The following CREB5 variants were observed in gnomAD, a reference collection of about 807,000 sequenced individuals.
CREB5 encodes cAMP responsive element binding protein 5.
Under a neutral mutation model 57.1 loss-of-function variants are expected in CREB5, and 19 were observed. The ratio of observed to expected loss-of-function variants is 0.33; its 90% CI spans 0.23 to 0.49. The LOEUF (loss-of-function observed/expected upper bound fraction) is 0.49. Among genes scored for constraint, CREB5 ranks in the 20% least tolerant of loss-of-function variants. The probability of loss-of-function intolerance (pLI) is 0.99; values close to 1 mark genes in which losing one functional copy is unlikely to be tolerated. For missense variants in CREB5, 579 were observed against 671.6 expected, an observed-to-expected ratio of 0.86 and a Z score of 1.52; for synonymous variants, 238 against 238.3, an observed-to-expected ratio of 1.00 and a Z score of 0.01.
rs75888389 is a variant in CREB5 at position 28,579,200 on chromosome 7, T to A, written c.464+8663T>A. ...TCGTAGCTCAAATTCCCAGGAATTC[T>A]GAAACAAGCTCTTAGGAACAAGTGT... On this transcript the variant is annotated intron_variant, in intron 5 of 10. Transcript: ENST00000357727. 1.1e-4 allele frequency among the ~76,000 whole-genome samples: 16 copies of A among 152,348 alleles called. No individual in the cohort carries two copies. In the East Asian group the frequency reaches 2.7e-3, roughly 26 times the overall value.
chr7:28,626,478 A>G (rs1341419401), intron 5 of CREB5, among the ~76,000 whole-genome samples: 1 of 152,168 alleles, frequency 6.6e-6, no homozygotes, highest in East Asian at 1.9e-4. Context: ...AAAAACCAAG[A>G]CCTGAGAGGT....
intron 5 of CREB5, among the ~76,000 whole-genome samples, chr7:28,658,258 AT>A (rs1355521379): frequency 3.9e-5 from 6 of 152,164 alleles, no homozygotes; most frequent in African/African-American, 1.2e-4. Flanking sequence ...TCAGGATAAA[AT>A]TTCTGAAGTC....
At chr7:28,438,673 C>T (rs181816278) in intron 1 of CREB5, among the ~76,000 whole-genome samples, 133 of 152,214 alleles carry the variant, frequency 8.7e-4, no homozygotes, top group African/African-American at 3.1e-3. Flanking sequence ...TTTACATACA[C>T]GTTAACCTTT....
intron 5 of CREB5, among the ~76,000 whole-genome samples, chr7:28,577,825 C>A (rs1030395528): frequency 1.3e-5 from 2 of 152,156 alleles, no homozygotes; most frequent in African/African-American, 4.8e-5. Flanking sequence ...GGTAAGGTAA[C>A]TTCTCTGGGG....
At chr7:28,635,878 G>T (rs997061071) in intron 5 of CREB5, among the ~76,000 whole-genome samples, 5 of 152,186 alleles carry the variant, frequency 3.3e-5, no homozygotes, top group Non-Finnish European at 7.3e-5. Flanking sequence ...ATTCAGAATT[G>T]CTCCTGAGCC....
chr7:28,596,164 G>A (rs1032785777), intron 5 of CREB5, among the ~76,000 whole-genome samples: 5 of 152,178 alleles, frequency 3.3e-5, no homozygotes, highest in Non-Finnish European at 7.3e-5. Flanking sequence ...ATGTGAAGCA[G>A]CTCTGTAGAA....
Position 28,712,082 on chromosome 7 carries a change from T to C in CREB5, c.465-6671T>C, listed in dbSNP as rs147768461. Reference sequence around the variant, plus strand: ...CCAAGGTCACACAGCTGGTAAGTGATAGAGCTAGGATTCCAACCTAGGTAG... The same window carrying C: ...CCAAGGTCACACAGCTGGTAAGTGACAGAGCTAGGATTCCAACCTAGGTAG... On this transcript the variant is annotated intron_variant, in intron 5 of 10. Transcript: ENST00000357727. 3.9e-5 allele frequency among the ~76,000 whole-genome samples: 6 copies of C among 152,306 alleles called. No homozygotes were observed. In the East Asian group the frequency reaches 9.6e-4, roughly 24 times the overall value.
At chr7:28,749,462 C>T (rs73077853) in intron 7 of CREB5, 6,307 of 152,212 alleles carry the variant, frequency 0.041, 180 homozygotes, top group Middle Eastern at 0.068. Context: ...GCGGTTGGAG[C>T]GTCTACTTGC....
chr7:28,515,275 G>A (rs188847952), intron 4 of CREB5, among the ~76,000 whole-genome samples: 3 of 152,188 alleles, frequency 2.0e-5, no homozygotes, highest in Non-Finnish European at 2.9e-5. Context: ...TATGTGGACC[G>A]TCTTGGCCTT....
At chr7:28,588,200 G>A (rs903326187) in intron 5 of CREB5, among the ~76,000 whole-genome samples, 3 of 152,142 alleles carry the variant, frequency 2.0e-5, no homozygotes, top group African/African-American at 7.2e-5. Flanking sequence ...TTTCCTATAC[G>A]TAGCGGTACT....
chr7:28,456,982 C>A (rs1406784425), intron 1 of CREB5, among the ~76,000 whole-genome samples: 1 of 152,192 alleles, frequency 6.6e-6, no homozygotes, highest in South Asian at 2.1e-4. Context: ...AGCCCAAGAA[C>A]ATGGTGCTGT....
chr7:28,456,025 G>A (rs1179692640), intron 1 of CREB5, among the ~76,000 whole-genome samples: 2 of 152,176 alleles, frequency 1.3e-5, no homozygotes, highest in Non-Finnish European at 2.9e-5. Context: ...AGGCCACAGA[G>A]GGGACCATCG....
At chr7:28,771,134 C>A (rs1377226300) in intron 7 of CREB5, among the ~76,000 whole-genome samples, 4 of 152,126 alleles carry the variant, frequency 2.6e-5, no homozygotes, top group Admixed American at 2.6e-4. Flanking sequence ...TAATTAGTTT[C>A]TTTCTTTGAA....
At chr7:28,346,975 G>A (rs976695412) in intron 1 of CREB5, among the ~76,000 whole-genome samples, 3 of 152,182 alleles carry the variant, frequency 2.0e-5, no homozygotes, top group Non-Finnish European at 2.9e-5. Context: ...AAGAGGCAAG[G>A]ACAAAGGAGG....
At chr7:28,416,659 C>T (rs2128006496) in intron 1 of CREB5, among the ~76,000 whole-genome samples, 1 of 152,314 alleles carries the variant, frequency 6.6e-6, no homozygotes, top group East Asian at 1.9e-4. Flanking sequence ...ATATTATAGG[C>T]TCAAGCTTCT....
Position 28,333,881 on chromosome 7 carries a change from T to C in CREB5, c.-25+34440T>C, listed in dbSNP as rs143243719. On this transcript the variant is annotated intron_variant, in intron 1 of 9. Transcript: ENST00000396299. Reference sequence around the variant, plus strand: ...TAGGAGTACAGCTATCTCTTCAATATACTGATTTCCTTTCTTTTGGGTATA... The same window carrying C: ...TAGGAGTACAGCTATCTCTTCAATACACTGATTTCCTTTCTTTTGGGTATA... Among the ~76,000 whole-genome samples the C allele has an allele frequency of 2.0e-3, 311 of 152,324 alleles. 1 individual carries two copies. The highest frequency in any genetic ancestry group is 7.2e-3 in the African/African-American group (299 of 41,576).
chr7:28,550,813 A>G (rs1338020544), intron 4 of CREB5, among the ~76,000 whole-genome samples: 1 of 152,238 alleles, frequency 6.6e-6, no homozygotes, highest in Admixed American at 6.5e-5. Flanking sequence ...AATTGCTTAC[A>G]TAGCATCAAT....
At chr7:28,600,341 C>A (rs765644932) in intron 5 of CREB5, among the ~76,000 whole-genome samples, 1 of 150,268 alleles carries the variant, frequency 6.7e-6, no homozygotes, top group African/African-American at 2.5e-5. Context: ...CTCGCAGGCG[C>A]AAGACCTAAA....
intron 3 of CREB5, among the ~76,000 whole-genome samples, chr7:28,501,074 T>C (rs542551180): frequency 6.6e-6 from 1 of 152,272 alleles, no homozygotes; most frequent in Admixed American, 6.5e-5. Flanking sequence ...CCACTTTTTT[T>C]TTCATATGAG....
Sources: allele counts gnomAD v4.1 joint callset (sites outside exome capture counted in the v4.1 genomes callset), GRCh38; gene constraint gnomAD v4.1.1; transcripts MANE v1.5; gene names NCBI Gene and HGNC (gene_info 2026-07-23, HGNC 2026-07-21).